The following ARMC8 variants were observed in gnomAD, a reference collection of about 807,000 sequenced individuals.
The protein encoded by ARMC8 is armadillo repeat containing 8.
Under a neutral mutation model 99.3 loss-of-function variants are expected in ARMC8, and 20 were observed. That is an observed-to-expected ratio of 0.20 (90% CI 0.14 to 0.29). The LOEUF (loss-of-function observed/expected upper bound fraction) is 0.29, where lower values mean the gene tolerates loss of function less well. Ranked by LOEUF, ARMC8 falls within the 10% of genes least tolerant of loss-of-function variation. The pLI, the probability that ARMC8 is intolerant of heterozygous loss-of-function variation, is 1.00. For synonymous variants in ARMC8, 263 were observed against 278.3 expected (o/e 0.95, Z 0.55); for missense variants, 569 against 809.5 (o/e 0.70, Z 3.60).
At chr3:138,295,060 G>A (rs946126143) in intron 21 of ARMC8, among the ~76,000 whole-genome samples, 1 of 151,850 alleles carries the variant, frequency 6.6e-6, no homozygotes, top group Admixed American at 6.6e-5. Flanking sequence ...TGCCACACTC[G>A]GCTAATTTTT....
chr3:138,245,229 C>T (rs747222066), intron 12 of ARMC8, 46 bp downstream of exon 12: 2 of 1,614,134 alleles, frequency 1.2e-6, no homozygotes, highest in South Asian at 2.2e-5. Flanking sequence ...AGCCAGCAGG[C>T]AGGGAGTGAC....
At chr3:138,211,606 A>C (rs1402113862) in intron 2 of ARMC8, among the ~76,000 whole-genome samples, 1 of 152,250 alleles carries the variant, frequency 6.6e-6, no homozygotes, top group East Asian at 1.9e-4. Flanking sequence ...TCAGCTAGAC[A>C]TAAAGAAATG....
At chr3:138,244,335 T>A (rs569848814) in intron 11 of ARMC8, among the ~76,000 whole-genome samples, 4 of 152,286 alleles carry the variant, frequency 2.6e-5, no homozygotes, top group Admixed American at 2.6e-4. Flanking sequence ...TAGAGTGCAG[T>A]GGCGCGATCT....
chr3:138,294,566 T>C (rs982682853), intron 21 of ARMC8, among the ~76,000 whole-genome samples: 1 of 152,216 alleles, frequency 6.6e-6, no homozygotes, highest in African/African-American at 2.4e-5. Context: ...AGTATACCAC[T>C]TAAAAAACTG....
intron 12 of ARMC8, among the ~76,000 whole-genome samples, chr3:138,248,369 A>G (rs879935141): frequency 6.6e-6 from 1 of 152,204 alleles, no homozygotes; most frequent in East Asian, 1.9e-4. Flanking sequence ...ACACATTAGC[A>G]GTAACTGCAA....
intron 15 of ARMC8, among the ~76,000 whole-genome samples, 151 bp from the exon 16 acceptor site, chr3:138,269,888 AT>A (rs1180362690): frequency 7.9e-6 from 1 of 126,846 alleles, no homozygotes; most frequent in Non-Finnish European, 1.6e-5. Flanking sequence ...TCTCAAGGTG[AT>A]TTTTATGGCT....
At chr3:138,210,570 T>C (rs2044636338) in intron 2 of ARMC8, among the ~76,000 whole-genome samples, 1 of 152,078 alleles carries the variant, frequency 6.6e-6, no homozygotes, top group African/African-American at 2.4e-5. Flanking sequence ...AGGCTTATCA[T>C]GGGGTTGGGA....
Position 138,229,176 on chromosome 3 carries a change from A to G in ARMC8, c.528+166A>G, listed in dbSNP as rs1221572951. On this transcript the variant is annotated intron_variant, in intron 6 of 21. Coordinates refer to ENST00000469044, the MANE Select transcript of ARMC8 (RefSeq NM_001363941.2). ...TATATATATATATATATATATATAT[A>G]TATATATGTATATGTATATGTATAT... is the stretch of plus-strand genomic sequence containing the variant. 123 of 35,790 alleles carry G rather than the reference A, an allele frequency of 3.4e-3. 6 individuals carry two copies. The highest frequency in any genetic ancestry group is 8.3e-3 in the African/African-American group (97 of 11,632). The allele number at this position is 35,790 out of a possible 1,614,324, so 2.2% of individuals were successfully genotyped here.
intron 16 of ARMC8, among the ~76,000 whole-genome samples, chr3:138,271,309 A>T (rs564181371): frequency 6.6e-6 from 1 of 152,070 alleles, no homozygotes; most frequent in African/African-American, 2.4e-5. Context: ...CTCTGAGAAC[A>T]TTCCCCCAAG....
chr3:138,295,913 T>C lies in ARMC8; in HGVS notation c.*21T>C. 1 of 1,612,598 alleles carries C rather than the reference T, an allele frequency of 6.2e-7. No individual in the cohort carries two copies. Among genetic ancestry groups the C allele is most frequent in the Non-Finnish European group, 8.5e-7 (1 of 1,179,190 alleles). Reference sequence around the variant, plus strand: ...CATGATGGGAGTGCCCCTGGGCACCTGCGAGCATCCCACCTCCTTGTTTAA... The same window carrying C: ...CATGATGGGAGTGCCCCTGGGCACCCGCGAGCATCCCACCTCCTTGTTTAA... On this transcript the variant is annotated 3_prime_UTR_variant, in exon 22 of 22. Transcript: ENST00000469044.
intron 11 of ARMC8, among the ~76,000 whole-genome samples, chr3:138,244,073 AGAGTT>A: frequency 6.6e-6 from 1 of 152,276 alleles, no homozygotes; most frequent in African/African-American, 2.4e-5. Context: ...AGTTTATAGA[AGAGTT>A]GATAATTAGT....
At chr3:138,232,173 A>G (rs923724090) in intron 6 of ARMC8, among the ~76,000 whole-genome samples, 2 of 151,116 alleles carry the variant, frequency 1.3e-5, no homozygotes, top group African/African-American at 4.9e-5. Context: ...ATGGGGTTTC[A>G]CCATGTTGGC....
chr3:138,262,984 T>C (rs76377125), intron 12 of ARMC8, among the ~76,000 whole-genome samples: 2,087 of 152,346 alleles, frequency 0.014, 52 homozygotes, highest in African/African-American at 0.048. Flanking sequence ...TAATATAACA[T>C]GCTTAGCACA....
At chr3:138,217,882 ACT>A (rs1407908963) in intron 2 of ARMC8, among the ~76,000 whole-genome samples, 3 of 152,182 alleles carry the variant, frequency 2.0e-5, no homozygotes, top group Admixed American at 2.0e-4. Flanking sequence ...TGAAGTAGTC[ACT>A]CGACATGTCA....
At chr3:138,269,820 CT>C (rs77095833) in intron 15 of ARMC8, among the ~76,000 whole-genome samples, 132 of 121,660 alleles carry the variant, frequency 1.1e-3, no homozygotes, top group Middle Eastern at 4.6e-3. Context: ...TGTTTTCTTT[CT>C]TTTTTTTTTT....
chr3:138,188,474 T>G lies in ARMC8; in HGVS notation c.45+875T>G. ...AACCAGGACCAGGAATGAAAGTTAC[T>G]GGGAGATAACTTCGAAGGATTTTGC... On this transcript the variant is annotated intron_variant, in intron 1 of 21. Coordinates refer to ENST00000469044, the MANE Select transcript of ARMC8 (RefSeq NM_001363941.2). 5 of 1,613,420 alleles carry G rather than the reference T, an allele frequency of 3.1e-6. No individual in the cohort carries two copies. In the East Asian group the frequency reaches 1.1e-4, roughly 36 times the overall value.
intron 18 of ARMC8, among the ~76,000 whole-genome samples, chr3:138,276,786 T>C (rs762100306): frequency 6.6e-6 from 1 of 152,150 alleles, no homozygotes; most frequent in Admixed American, 6.5e-5. Flanking sequence ...TGGAGAGATA[T>C]ACCATGCTAA....
chr3:138,272,479 T>TA (rs201092996), intron 16 of ARMC8, among the ~76,000 whole-genome samples: 1,784 of 152,262 alleles, frequency 0.012, 36 homozygotes, highest in African/African-American at 0.039. Flanking sequence ...GAGTAACAGT[T>TA]ACGTTTCTCT....
At chr3:138,238,183 T>G (rs142118307) in intron 9 of ARMC8, 2,083 of 152,100 alleles carry the variant, frequency 0.014, 49 homozygotes, top group African/African-American at 0.046. Flanking sequence ...TTCTCCTGCC[T>G]CAGCCTCCTG....
Sources: gnomAD v4.1 joint callset for allele counts (sites outside exome capture counted in the v4.1 genomes callset) on GRCh38, gnomAD v4.1.1 for gene constraint, MANE v1.5 for transcripts, NCBI Gene and HGNC (gene_info 2026-07-23, HGNC 2026-07-21) for gene names.